BBS9: variants seen among roughly 807,000 people sequenced by gnomAD.
BBS9 encodes Bardet-Biedl syndrome 9, also known as protein PTHB1.
In BBS9, 89 loss-of-function variants were observed where a neutral mutation model predicts 117.7. The observed-to-expected ratio is 0.76, with a 90% confidence interval of 0.64 to 0.90. BBS9 has a LOEUF of 0.90. Ranked by LOEUF, BBS9 falls within the 40% of genes least tolerant of loss-of-function variation. The pLI is 0.00. For synonymous variants in BBS9, 379 were observed against 370.9 expected, an observed-to-expected ratio of 1.02 and a Z score of -0.25; for missense variants, 982 against 1,042.2, an observed-to-expected ratio of 0.94 and a Z score of 0.80.
At chr7:33,336,297 A>G in intron 9 of BBS9, 144 bp from the exon 10 acceptor site, 1 of 645,478 alleles carries the variant, frequency 1.5e-6, no homozygotes, top group Admixed American at 2.6e-5. Flanking sequence ...ATTTGAATTG[A>G]GTCTTTGAAG....
chr7:33,357,605 A>C, intron 15 of BBS9: 1 of 521,836 alleles, frequency 1.9e-6, no homozygotes, highest in Non-Finnish European at 3.4e-6. Flanking sequence ...TTTTAAAAAT[A>C]TGATACTATT....
intron 19 of BBS9, among the ~76,000 whole-genome samples, chr7:33,391,450 A>G (rs750498498): frequency 5.3e-5 from 8 of 152,176 alleles, no homozygotes; most frequent in Admixed American, 1.3e-4. Flanking sequence ...ACCCATACAT[A>G]CACACTACCT....
chr7:33,254,595 A>G (rs981419485), intron 5 of BBS9, among the ~76,000 whole-genome samples: 3 of 152,220 alleles, frequency 2.0e-5, no homozygotes, highest in African/African-American at 7.2e-5. Context: ...TGTGCTGTGC[A>G]TTAGGTCTCC....
At chr7:33,625,147 C>T (rs1463213538) in intron 21 of BBS9, among the ~76,000 whole-genome samples, 1 of 152,086 alleles carries the variant, frequency 6.6e-6, no homozygotes, top group Non-Finnish European at 1.5e-5. Flanking sequence ...TGTTTGATTA[C>T]CACCTGACGA....
intron 19 of BBS9, among the ~76,000 whole-genome samples, chr7:33,479,038 A>G (rs1223341061): frequency 2.0e-5 from 3 of 152,234 alleles, no homozygotes; most frequent in Non-Finnish European, 4.4e-5. Context: ...AGGTATGGCT[A>G]TAGAAAGTAG....
At chr7:33,553,651 T>G (rs1479096566) in intron 21 of BBS9, among the ~76,000 whole-genome samples, 3 of 152,322 alleles carry the variant, frequency 2.0e-5, no homozygotes, top group Non-Finnish European at 2.9e-5. Context: ...TGTAAATAAT[T>G]CCTCTTTTGG....
chr7:33,190,391 C>T (rs1469822482), intron 5 of BBS9, among the ~76,000 whole-genome samples: 1 of 152,224 alleles, frequency 6.6e-6, no homozygotes, highest in African/African-American at 2.4e-5. Context: ...ATCCAAACCT[C>T]CCATTTCCTG....
At chr7:33,348,971 T>G in intron 12 of BBS9, 97 bp from the exon 13 acceptor site, 1 of 849,126 alleles carries the variant, frequency 1.2e-6, no homozygotes, top group Admixed American at 1.9e-5. Context: ...CAGGTAATAT[T>G]TTCTAATTAT....
intron 9 of BBS9, among the ~76,000 whole-genome samples, chr7:33,294,384 TCCATCCATCCATCCATCCAC>T: frequency 1.3e-5 from 2 of 151,474 alleles, no homozygotes; most frequent in Admixed American, 1.3e-4. Context: ...CATCCATCCA[TCCATCCATCCATCCATCCAC>T]CCATCCATCC....
intron 5 of BBS9, among the ~76,000 whole-genome samples, chr7:33,185,262 T>C (rs1798657356): frequency 6.6e-6 from 1 of 152,094 alleles, no homozygotes; most frequent in Admixed American, 6.5e-5. Context: ...ATGTCTAACC[T>C]TCTGGGAATG....
intron 21 of BBS9, among the ~76,000 whole-genome samples, chr7:33,561,829 GA>G (rs1447755383): frequency 3.9e-5 from 6 of 152,122 alleles, no homozygotes; most frequent in Non-Finnish European, 7.4e-5. Context: ...GAAAATTCCA[GA>G]ATAAGAACAG....
chr7:33,381,681 G>A lies in BBS9; in HGVS notation c.1790-1985G>A, dbSNP rs189003364. ...TTTAAAAAGTATTATCTTTGATTAA[G>A]GAAAACACCTAATCAGCATTATGGG... On this transcript the variant is annotated intron_variant, in intron 17 of 22. Transcript: ENST00000242067. 4.9e-3 allele frequency among the ~76,000 whole-genome samples: 753 copies of A among 152,162 alleles called. 10 individuals are homozygous for A. Among genetic ancestry groups the A allele is most frequent in the African/African-American group, 0.017 (710 of 41,522 alleles).
intron 7 of BBS9, among the ~76,000 whole-genome samples, chr7:33,271,340 T>C (rs1562914239): frequency 6.6e-6 from 1 of 152,234 alleles, no homozygotes; most frequent in Non-Finnish European, 1.5e-5. Flanking sequence ...CTAACAACAA[T>C]GACAGGATCA....
chr7:33,579,644 T>C (rs887965950), intron 21 of BBS9, among the ~76,000 whole-genome samples: 1 of 152,080 alleles, frequency 6.6e-6, no homozygotes. Context: ...ACAACCAGAC[T>C]TCAGAATCCA....
At chr7:33,442,303 A>T (rs1247153196) in intron 19 of BBS9, among the ~76,000 whole-genome samples, 1 of 152,212 alleles carries the variant, frequency 6.6e-6, no homozygotes, top group Admixed American at 6.5e-5. Context: ...TTTGCCAAAG[A>T]CCAGGAAAGA....
intron 21 of BBS9, among the ~76,000 whole-genome samples, chr7:33,557,729 T>G (rs529639559): frequency 8.5e-5 from 13 of 152,368 alleles, no homozygotes; most frequent in African/African-American, 2.9e-4. Flanking sequence ...TGCTGCAGTC[T>G]GCTTCCAGAC....
At chr7:33,233,787 A>C (rs1312796467) in intron 5 of BBS9, among the ~76,000 whole-genome samples, 1 of 152,080 alleles carries the variant, frequency 6.6e-6, no homozygotes, top group African/African-American at 2.4e-5. Context: ...GCTAAGAAAA[A>C]CAAACCTTTT....
At chr7:33,488,942 A>C (rs1047687186) in intron 19 of BBS9, among the ~76,000 whole-genome samples, 9 of 151,346 alleles carry the variant, frequency 5.9e-5, no homozygotes, top group African/African-American at 2.2e-4. Flanking sequence ...AATAGCTGTA[A>C]GTGGCGTGTT....
At chr7:33,194,621 A>G (rs1241183706) in intron 5 of BBS9, among the ~76,000 whole-genome samples, 1 of 152,172 alleles carries the variant, frequency 6.6e-6, no homozygotes. Context: ...ATTCTGGTAG[A>G]CTTATTTAGT....
Sources: gnomAD v4.1 joint callset for allele counts (sites outside exome capture counted in the v4.1 genomes callset) on GRCh38, gnomAD v4.1.1 for gene constraint, MANE v1.5 for transcripts, NCBI Gene and HGNC (gene_info 2026-07-23, HGNC 2026-07-21) for gene names.